The following WDR27 variants were observed in gnomAD, a reference collection of about 807,000 sequenced individuals.
The protein encoded by WDR27 is WD repeat domain 27, also known as WD repeat-containing protein 27.
WDR27 carries 100 observed loss-of-function variants against 114.4 expected under a neutral mutation model. The ratio of observed to expected loss-of-function variants is 0.87; its 90% CI spans 0.74 to 1.03. The LOEUF is 1.03. WDR27 is among the 50% of genes least tolerant of loss of function. The pLI is 0.00. For synonymous variants in WDR27, 449 were observed against 423.1 expected, an observed-to-expected ratio of 1.06 and a Z score of -0.75; for missense variants, 1,129 against 1,092.9, an observed-to-expected ratio of 1.03 and a Z score of -0.47.
intron 23 of WDR27, among the ~76,000 whole-genome samples, chr6:169,585,069 C>G (rs1325547478): frequency 6.6e-6 from 1 of 152,172 alleles, no homozygotes; most frequent in East Asian, 1.9e-4. Flanking sequence ...AAAGGATAAT[C>G]TCTTTAATAA....
At chr6:169,639,310 T>G (rs530823402) in intron 17 of WDR27, among the ~76,000 whole-genome samples, 40 of 152,300 alleles carry the variant, frequency 2.6e-4, no homozygotes, top group Admixed American at 2.2e-3. Context: ...AACCTCGCAT[T>G]TCTTAAACTA....
intron 25 of WDR27, among the ~76,000 whole-genome samples, chr6:169,475,363 C>A (rs967837348): frequency 6.6e-6 from 1 of 152,086 alleles, no homozygotes; most frequent in Non-Finnish European, 1.5e-5. Flanking sequence ...GTGGGGATTA[C>A]AGGCACCTCC....
At chr6:169,574,448 C>CAAAAG (rs386409324) in intron 24 of WDR27, among the ~76,000 whole-genome samples, 3 of 151,204 alleles carry the variant, frequency 2.0e-5, no homozygotes, top group Admixed American at 2.0e-4. Flanking sequence ...TAAAACAAAA[C>CAAAAG]AAAAACAAGT....
the WDR27 span, among the ~76,000 whole-genome samples, chr6:169,428,488 C>G: frequency 6.6e-6 from 1 of 151,316 alleles, no homozygotes. Flanking sequence ...TTTCTGTGAA[C>G]ATATTAACGA....
chr6:169,619,302 C>A (rs1195037186), intron 21 of WDR27, among the ~76,000 whole-genome samples: 1 of 152,214 alleles, frequency 6.6e-6, no homozygotes, highest in East Asian at 1.9e-4. Context: ...ACAACAATGG[C>A]TCTTCACAAG....
rs369446840 is a variant in WDR27, at chr6:169,546,569, C to T, written c.2645+25850G>A. ...TCTAAACCACTGAAGCCACCCTCTT[C>T]GTGCCACTGAGCACACCTGAGGCCG... On this transcript the variant is annotated intron_variant, in intron 25 of 25. Transcript: ENST00000448612. Among the ~76,000 whole-genome samples, 18 of 152,270 alleles carry T rather than the reference C, an allele frequency of 1.2e-4. No individual in the cohort carries two copies. In the East Asian group the frequency reaches 2.1e-3, roughly 18 times the overall value.
chr6:169,664,588 G>C (rs1330181509), intron 7 of WDR27: 2 of 1,250,314 alleles, frequency 1.6e-6, no homozygotes, highest in African/African-American at 1.6e-5. Flanking sequence ...CAGGCTCTCT[G>C]CACACACCCC....
chr6:169,613,495 T>C, intron 22 of WDR27, 64 bp downstream of exon 22: 2 of 1,294,036 alleles, frequency 1.5e-6, no homozygotes, highest in Non-Finnish European at 2.2e-6. Flanking sequence ...GGAAAAGAGA[T>C]CAGATTGAGC....
chr6:169,444,949 T>C, the WDR27 span, among the ~76,000 whole-genome samples: 3 of 152,254 alleles, frequency 2.0e-5, no homozygotes, highest in East Asian at 3.9e-4. Context: ...ATGAGGACAA[T>C]ACTATCCCTT....
At chr6:169,596,762 T>C (rs1408803725) in intron 23 of WDR27, among the ~76,000 whole-genome samples, 2 of 152,152 alleles carry the variant, frequency 1.3e-5, no homozygotes, top group Admixed American at 6.5e-5. Context: ...TGGTTCTACA[T>C]AGAGAGCTTG....
rs955431336 is a variant in WDR27, at chr6:169,525,461, G to A, written c.2645+46958C>T. 5.9e-5 allele frequency among the ~76,000 whole-genome samples: 9 copies of A among 151,380 alleles called. No homozygotes were observed. The East Asian group carries it at 7.7e-4, about 13-fold the overall frequency. ...TGAGGCAGGAGAATGGCATGAACCC[G>A]GGAGGTGGAGCTTGCAGTGAGCCGA... On this transcript the variant is annotated intron_variant, in intron 25 of 25. Transcript: ENST00000448612.
chr6:169,596,647 A>T (rs1015057141), intron 23 of WDR27, among the ~76,000 whole-genome samples: 4 of 152,058 alleles, frequency 2.6e-5, no homozygotes, highest in Non-Finnish European at 5.9e-5. Flanking sequence ...TGATATCTAG[A>T]AGTTGTATGA....
chr6:169,489,327 A>G (rs1789406444), intron 25 of WDR27, among the ~76,000 whole-genome samples: 1 of 152,190 alleles, frequency 6.6e-6, no homozygotes, highest in South Asian at 2.1e-4. Flanking sequence ...TTTAGTGTGG[A>G]TTAAAAGCCT....
rs775828950 is a variant in WDR27, at chr6:169,467,972, G to A, written c.2646-10338C>T. The stretch of plus-strand genomic sequence containing the variant: ...TGATGCTTTTAAGAGCATCCAAGTC[G>A]CATCTTGAACACTTTGCAGCTTAGA... On this transcript the variant is annotated intron_variant, in intron 25 of 25. Transcript: ENST00000448612. Among the ~76,000 whole-genome samples the A allele has an allele frequency of 1.3e-4, 20 of 152,128 alleles. No individual in the cohort carries two copies. The South Asian group carries it at 1.4e-3, about 11-fold the overall frequency.
intron 25 of WDR27, among the ~76,000 whole-genome samples, chr6:169,481,632 A>G (rs538783110): frequency 2.6e-5 from 4 of 152,232 alleles, no homozygotes; most frequent in Admixed American, 6.5e-5. Context: ...CTCCAGACGC[A>G]CTGCCTTTAT....
rs184951286 is a variant in WDR27, at chr6:169,630,667, G to A, written c.2223+2280C>T. ...TCCCAGCACTTTGGGAGGCCGAGGC[G>A]GGCGGATCACAAGGTCAGGAGTTCG... is the stretch of plus-strand genomic sequence containing the variant. On this transcript the variant is annotated intron_variant, in intron 21 of 25. Coordinates refer to ENST00000448612, the MANE Select transcript of WDR27 (RefSeq NM_182552.5). Among the ~76,000 whole-genome samples, 87 of 152,214 alleles carry A rather than the reference G, an allele frequency of 5.7e-4. 1 individual carries two copies. The East Asian group carries it at 8.3e-3, about 15-fold the overall frequency.
At chr6:169,663,978 C>T (rs539743060) in intron 8 of WDR27, among the ~76,000 whole-genome samples, 188 bp downstream of exon 8, 1 of 152,334 alleles carries the variant, frequency 6.6e-6, no homozygotes, top group East Asian at 1.9e-4. Context: ...ACACCAGGTG[C>T]CTCCATCTGC....
At chr6:169,683,812 C>A (rs1011837625) in intron 2 of WDR27, among the ~76,000 whole-genome samples, 4 of 152,232 alleles carry the variant, frequency 2.6e-5, no homozygotes, top group Non-Finnish European at 5.9e-5. Flanking sequence ...ACAGGAGAAT[C>A]CCACAGTCCC....
intron 16 of WDR27, among the ~76,000 whole-genome samples, chr6:169,644,065 T>C: frequency 6.6e-6 from 1 of 151,284 alleles, no homozygotes; most frequent in African/African-American, 2.4e-5. Context: ...AGTCACACTG[T>C]CGAAAATCCT....
Sources: gnomAD v4.1 joint callset for allele counts (sites outside exome capture counted in the v4.1 genomes callset) on GRCh38, gnomAD v4.1.1 for gene constraint, MANE v1.5 for transcripts, NCBI Gene and HGNC (gene_info 2026-07-23, HGNC 2026-07-21) for gene names.